AMMECR1: variants seen among roughly 807,000 people sequenced by gnomAD.
AMMECR1 encodes nuclear protein AMMECR1.
In AMMECR1, 3 loss-of-function variants were observed where a neutral mutation model predicts 22.5. The ratio of observed to expected loss-of-function variants is 0.13; its 90% confidence interval spans 0.06 to 0.35. The LOEUF is 0.35. Ranked by LOEUF, AMMECR1 falls within the 10% of genes least tolerant of loss-of-function variation. AMMECR1 has a pLI of 1.00. For synonymous variants in AMMECR1, 130 were observed against 116.7 expected (o/e 1.11, Z -0.74); for missense variants, 235 against 278.7 (o/e 0.84, Z 1.12).
At chrX:110,396,808 G>A (rs1245029265) in intron 2 of AMMECR1, among the ~76,000 whole-genome samples, 3 of 112,122 alleles carry the variant, frequency 2.7e-5, no homozygotes, top group Non-Finnish European at 3.8e-5. Context: ...GAAGGGACTC[G>A]TGTCCTGGGG....
At chrX:110,296,153 C>T (rs1210297305) in intron 1 of AMMECR1, among the ~76,000 whole-genome samples, 3 of 111,905 alleles carry the variant, frequency 2.7e-5, no homozygotes, top group African/African-American at 9.7e-5. Context: ...AATTATCTTG[C>T]CTTTATAAAA....
In AMMECR1 at chrX:110,348,590, T is replaced by TA. The variant is rs199857422; in HGVS notation, c.-147-30742dup. Among the ~76,000 whole-genome samples, 370 of 112,592 alleles carry TA rather than the reference T, an allele frequency of 3.3e-3. 12 individuals are homozygous for TA. The East Asian group carries it at 0.08, about 24-fold the overall frequency. Reference sequence around the variant, plus strand: ...AGATTTTTAAAAAGTAAACCAGTGATACTTCCATCTCTTGGGTTATTGTAT... The same window carrying TA: ...AGATTTTTAAAAAGTAAACCAGTGATAACTTCCATCTCTTGGGTTATTGTAT... On this transcript the variant is annotated intron_variant, in intron 2 of 7. Transcript: ENST00000372057.
At chrX:110,336,521 T>G (rs754738950) in intron 2 of AMMECR1, among the ~76,000 whole-genome samples, 2 of 109,595 alleles carry the variant, frequency 1.8e-5, no homozygotes, top group South Asian at 7.9e-4. Context: ...CTGTCTCTAC[T>G]AAAAAAACAA....
intron 2 of AMMECR1, among the ~76,000 whole-genome samples, chrX:110,410,408 G>A (rs1212985552): frequency 8.9e-6 from 1 of 112,102 alleles, no homozygotes; most frequent in Non-Finnish European, 1.9e-5. Flanking sequence ...AGTAGGACAA[G>A]AGGAACTCGC....
intron 2 of AMMECR1, among the ~76,000 whole-genome samples, chrX:110,259,792 C>T (rs1252899842): frequency 2.7e-5 from 3 of 109,728 alleles, no homozygotes; most frequent in Non-Finnish European, 5.7e-5. Flanking sequence ...GGAGTTTCAC[C>T]GTGTTAGCCA....
rs1316786216 is a variant in AMMECR1 at position 110,325,951 on chromosome X, TCTTTTTCTTTTCTTTTCTTC to T, written c.-147-8122_-147-8103del. ...CTTCTTTAGCTGCATTCCGTAAGTTTCTTTTTCTTTTCTTTTCTTCCTTTTTCTTTTGGTTTTGTTTTCTG... is the reference window on the plus strand; with the variant it reads ...CTTCTTTAGCTGCATTCCGTAAGTTTCTTTTTCTTTTGGTTTTGTTTTCTG... On this transcript the variant is annotated intron_variant, in intron 2 of 7. Coordinates refer to the AMMECR1 transcript ENST00000372057. Among the ~76,000 whole-genome samples the T allele has an allele frequency of 2.7e-5, 3 of 111,660 alleles. No homozygotes were observed. In the East Asian group the frequency reaches 8.4e-4, roughly 31 times the overall value.
intron 2 of AMMECR1, among the ~76,000 whole-genome samples, chrX:110,423,828 T>G (rs2148324057): frequency 8.9e-6 from 1 of 112,361 alleles, no homozygotes; most frequent in South Asian, 3.7e-4. Context: ...TCTTCCGACG[T>G]TAGGTGTTGC....
intron 2 of AMMECR1, among the ~76,000 whole-genome samples, chrX:110,249,873 C>T (rs1051819624): frequency 3.6e-5 from 4 of 110,683 alleles, no homozygotes; most frequent in African/African-American, 1.3e-4. Flanking sequence ...GCACTCCAGC[C>T]TGGTGACAGA....
At chrX:110,294,021 G>C (rs2067922056) in intron 1 of AMMECR1, among the ~76,000 whole-genome samples, 1 of 111,735 alleles carries the variant, frequency 8.9e-6, no homozygotes, top group South Asian at 3.7e-4. Flanking sequence ...ATAGTTACTT[G>C]TGTCTAGGTC....
intron 1 of AMMECR1, among the ~76,000 whole-genome samples, chrX:110,429,474 G>GTTTTTTTT (rs768648303): frequency 1.5e-5 from 1 of 67,842 alleles, no homozygotes; most frequent in African/African-American, 1.0e-4. Flanking sequence ...TTTTTTTTTT[G>GTTTTTTTT]TTTTGTTTTT....
At chrX:110,233,069 C>G (rs1047689017) in intron 2 of AMMECR1, among the ~76,000 whole-genome samples, 4 of 108,962 alleles carry the variant, frequency 3.7e-5, no homozygotes, top group Middle Eastern at 4.2e-3. Context: ...AAAAGATCAA[C>G]AAAACTGATA....
chrX:110,217,120 T>A (rs1332254709), intron 2 of AMMECR1, among the ~76,000 whole-genome samples: 5 of 108,265 alleles, frequency 4.6e-5, no homozygotes, highest in Admixed American at 1.0e-4. Flanking sequence ...TAAAAAAGAT[T>A]ATACTAGGAA....
At chrX:110,417,110 G>T (rs761484167) in intron 2 of AMMECR1, among the ~76,000 whole-genome samples, 1 of 112,041 alleles carries the variant, frequency 8.9e-6, no homozygotes, top group Admixed American at 9.4e-5. Flanking sequence ...GGAACAGACA[G>T]AGTGCTCTTC....
chrX:110,394,523 G>A (rs1218411084), intron 2 of AMMECR1, among the ~76,000 whole-genome samples: 2 of 112,648 alleles, frequency 1.8e-5, no homozygotes, highest in African/African-American at 6.5e-5. Flanking sequence ...GAAATATGCT[G>A]TGGGTACTTA....
intron 2 of AMMECR1, among the ~76,000 whole-genome samples, chrX:110,385,664 T>A (rs1311670230): frequency 8.9e-6 from 1 of 112,106 alleles, no homozygotes; most frequent in Non-Finnish European, 1.9e-5. Context: ...AACTGTCTTT[T>A]AAAAAATTGC....
intron 2 of AMMECR1, among the ~76,000 whole-genome samples, chrX:110,417,110 G>C (rs761484167): frequency 8.9e-6 from 1 of 111,990 alleles, no homozygotes; most frequent in African/African-American, 3.2e-5. Flanking sequence ...GGAACAGACA[G>C]AGTGCTCTTC....
intron 2 of AMMECR1, among the ~76,000 whole-genome samples, chrX:110,337,136 T>C (rs765954376): frequency 2.4e-4 from 27 of 111,226 alleles, no homozygotes; most frequent in Non-Finnish European, 4.2e-4. Context: ...TATGTGACCT[T>C]GGGCAAGTAG....
chrX:110,319,319 G>C (rs996094477), upstream of AMMECR1, among the ~76,000 whole-genome samples: 2 of 112,462 alleles, frequency 1.8e-5, no homozygotes, highest in African/African-American at 6.5e-5. Context: ...TCAGGTATCT[G>C]CATATTTAAA....
chrX:110,330,669 C>A (rs760654238), intron 2 of AMMECR1, among the ~76,000 whole-genome samples: 3 of 111,648 alleles, frequency 2.7e-5, no homozygotes, highest in South Asian at 7.5e-4. Flanking sequence ...AATTTGAAAA[C>A]CTGATCCTTC....
Sources: gnomAD v4.1 joint callset for allele counts (sites outside exome capture counted in the v4.1 genomes callset) on GRCh38, gnomAD v4.1.1 for gene constraint, MANE v1.5 for transcripts, NCBI Gene and HGNC (gene_info 2026-07-23, HGNC 2026-07-21) for gene names.